Variants in LDB2 observed in about 807,000 individuals in gnomAD.
LDB2 encodes LIM domain binding 2.
LDB2 carries 12 observed loss-of-function variants against 44.3 expected under a neutral mutation model. The observed-to-expected ratio is 0.27, with a 90% CI of 0.17 to 0.44. The LOEUF (loss-of-function observed/expected upper bound fraction) is 0.44. LDB2 is among the 20% of genes least tolerant of loss of function. LDB2 has a pLI of 1.00. For synonymous variants in LDB2, 164 were observed against 174.8 expected, an observed-to-expected ratio of 0.94 and a Z score of 0.49; for missense variants, 344 against 473.5, an observed-to-expected ratio of 0.73 and a Z score of 2.54.
At chr4:16,608,206 CAA>C (rs71649969) in intron 2 of LDB2, among the ~76,000 whole-genome samples, 193 of 68,482 alleles carry the variant, frequency 2.8e-3, no homozygotes, top group African/African-American at 8.9e-3. Flanking sequence ...CACACTTCTT[CAA>C]AAAAAAAAAA....
At chr4:16,548,979 C>G (rs1736729421) in intron 5 of LDB2, among the ~76,000 whole-genome samples, 1 of 152,144 alleles carries the variant, frequency 6.6e-6, no homozygotes, top group African/African-American at 2.4e-5. Context: ...AATATAGAAG[C>G]ATGGCGTCTT....
At chr4:16,871,682 C>T (rs1170848930) in intron 1 of LDB2, among the ~76,000 whole-genome samples, 2 of 148,636 alleles carry the variant, frequency 1.3e-5, no homozygotes, top group Non-Finnish European at 3.0e-5. Context: ...TGCAGTGGCA[C>T]GATCTCAGCT....
At chr4:16,865,415 T>C (rs1160332934) in intron 1 of LDB2, among the ~76,000 whole-genome samples, 2 of 152,128 alleles carry the variant, frequency 1.3e-5, no homozygotes. Flanking sequence ...GAACGTTCCC[T>C]GCGACCAGCT....
intron 5 of LDB2, among the ~76,000 whole-genome samples, chr4:16,583,111 G>T (rs74670102): frequency 2.0e-5 from 3 of 152,066 alleles, no homozygotes; most frequent in African/African-American, 7.2e-5. Flanking sequence ...AGCTGCCTTC[G>T]GTCAGCTCTG....
At chr4:16,749,228 A>C (rs1266529411) in intron 2 of LDB2, among the ~76,000 whole-genome samples, 1 of 152,032 alleles carries the variant, frequency 6.6e-6, no homozygotes, top group African/African-American at 2.4e-5. Context: ...AAAGACAAAA[A>C]ATCAGTCTTA....
At chr4:16,525,914 A>G (rs1166056985) in intron 5 of LDB2, among the ~76,000 whole-genome samples, 2 of 152,182 alleles carry the variant, frequency 1.3e-5, no homozygotes, top group Non-Finnish European at 2.9e-5. Flanking sequence ...AATTGTGACT[A>G]CAGCAGGTTC....
intron 1 of LDB2, among the ~76,000 whole-genome samples, chr4:16,760,652 G>C (rs768239630): frequency 1.4e-4 from 22 of 152,126 alleles, no homozygotes; most frequent in Non-Finnish European, 2.5e-4. Flanking sequence ...ATAAGAGACT[G>C]GTCCCTACCC....
At chr4:16,745,988 C>T (rs74600554) in intron 2 of LDB2, among the ~76,000 whole-genome samples, 3,240 of 152,062 alleles carry the variant, frequency 0.021, 120 homozygotes, top group African/African-American at 0.074. Flanking sequence ...CTTTGAAGGC[C>T]TCGCTTTTGT....
At chr4:16,847,063 C>A (rs1787161172) in intron 1 of LDB2, among the ~76,000 whole-genome samples, 1 of 152,018 alleles carries the variant, frequency 6.6e-6, no homozygotes. Context: ...TGACTCTCAC[C>A]CCAAAATTTG....
intron 2 of LDB2, among the ~76,000 whole-genome samples, chr4:16,671,166 C>G (rs1359232705): frequency 1.3e-5 from 2 of 151,734 alleles, no homozygotes; most frequent in African/African-American, 4.8e-5. Context: ...TGTTTAACTC[C>G]CTCTTAAAAT....
intron 1 of LDB2, among the ~76,000 whole-genome samples, chr4:16,840,440 T>C (rs930094122): frequency 6.6e-6 from 1 of 152,188 alleles, no homozygotes. Context: ...ACTGGCCATT[T>C]ATTCAAGAAG....
chr4:16,705,992 A>G (rs1316739235), intron 2 of LDB2, among the ~76,000 whole-genome samples: 2 of 152,204 alleles, frequency 1.3e-5, no homozygotes, highest in Non-Finnish European at 2.9e-5. Context: ...ATAAACAGGC[A>G]AATCTTGTGG....
At chr4:16,647,040 A>C (rs1736987435) in intron 2 of LDB2, among the ~76,000 whole-genome samples, 1 of 152,222 alleles carries the variant, frequency 6.6e-6, no homozygotes, top group Admixed American at 6.5e-5. Context: ...TCATATAGCC[A>C]AAAAATGGAA....
chr4:16,841,346 T>G (rs1406137948), intron 1 of LDB2, among the ~76,000 whole-genome samples: 1 of 152,214 alleles, frequency 6.6e-6, no homozygotes, highest in Non-Finnish European at 1.5e-5. Context: ...TATTTTCTCT[T>G]GCATATCTGA....
In LDB2 at chr4:16,713,739, A is replaced by C. The variant is rs147229469; in HGVS notation, c.235+45419T>G. On this transcript the variant is annotated intron_variant, in intron 2 of 7. Coordinates refer to ENST00000304523, the MANE Select transcript of LDB2 (RefSeq NM_001290.5). ...GCTAGTGGGACAAGAGGAGGGATGG[A>C]TTTCATAGGCTGCCCTGGAAATTCT... Among the ~76,000 whole-genome samples the C allele has an allele frequency of 3.6e-3, 553 of 152,296 alleles. 21 individuals carry two copies. In the East Asian group the frequency reaches 0.081, roughly 22 times the overall value.
intron 2 of LDB2, among the ~76,000 whole-genome samples, chr4:16,643,192 G>GT (rs1169083040): frequency 1.3e-5 from 2 of 150,030 alleles, no homozygotes; most frequent in Non-Finnish European, 3.0e-5. Flanking sequence ...GTGGGATGGG[G>GT]TGGGGGGGGC....
intron 2 of LDB2, among the ~76,000 whole-genome samples, chr4:16,642,577 A>G (rs1735499461): frequency 1.3e-5 from 2 of 152,240 alleles, no homozygotes; most frequent in Non-Finnish European, 2.9e-5. Flanking sequence ...CGCTGAACTA[A>G]TAATAATTCA....
intron 2 of LDB2, among the ~76,000 whole-genome samples, chr4:16,627,939 GA>G (rs1730756860): frequency 6.6e-6 from 1 of 152,148 alleles, no homozygotes; most frequent in South Asian, 2.1e-4. Context: ...CAAGCTGCTG[GA>G]GTCAAATCAA....
chr4:16,774,649 G>A (rs376258677), intron 1 of LDB2, among the ~76,000 whole-genome samples: 19 of 152,142 alleles, frequency 1.2e-4, no homozygotes, highest in African/African-American at 3.4e-4. Context: ...AGCTCAGAAA[G>A]GTTACTTAAT....
Sources: allele counts gnomAD v4.1 joint callset (sites outside exome capture counted in the v4.1 genomes callset), GRCh38; gene constraint gnomAD v4.1.1; transcripts MANE v1.5; gene names NCBI Gene and HGNC (gene_info 2026-07-23, HGNC 2026-07-21).